COX10: variants seen among roughly 807,000 people sequenced by gnomAD.
COX10 encodes protoheme IX farnesyltransferase, mitochondrial.
COX10 carries 27 observed loss-of-function variants against 37.3 expected under a neutral mutation model. The ratio of observed to expected loss-of-function variants is 0.72; its 90% CI spans 0.53 to 1.00. COX10 has a LOEUF of 1.00. Among genes scored for constraint, COX10 ranks in the 50% least tolerant of loss-of-function variants. COX10 has a pLI of 0.00. For synonymous variants in COX10, 222 were observed against 229.1 expected (o/e 0.97, Z 0.28); for missense variants, 475 against 563.2 (o/e 0.84, Z 1.59).
chr17:14,150,809 C>A (rs1247460596), intron 4 of COX10, among the ~76,000 whole-genome samples: 1 of 152,202 alleles, frequency 6.6e-6, no homozygotes, highest in Non-Finnish European at 1.5e-5. Flanking sequence ...CAGTACAAGA[C>A]TGGTCCCTGA....
At chr17:14,131,489 G>GA in intron 4 of COX10, among the ~76,000 whole-genome samples, 1 of 151,732 alleles carries the variant, frequency 6.6e-6, no homozygotes, top group Non-Finnish European at 1.5e-5. Flanking sequence ...TATAAGAAAT[G>GA]AATTTTCTCT....
chr17:14,179,457 GT>G (rs1218640231), intron 5 of COX10, among the ~76,000 whole-genome samples: 36 of 152,212 alleles, frequency 2.4e-4, no homozygotes, highest in Admixed American at 2.0e-3. Flanking sequence ...TGTCAGTTTT[GT>G]TTTTATAATG....
intron 5 of COX10, among the ~76,000 whole-genome samples, chr17:14,186,552 A>G (rs1392293636): frequency 2.0e-5 from 3 of 151,872 alleles, no homozygotes; most frequent in Non-Finnish European, 4.4e-5. Context: ...GCTGTGCCAC[A>G]CATGCTTGCC....
intron 5 of COX10, among the ~76,000 whole-genome samples, chr17:14,184,117 G>T (rs1905952183): frequency 6.6e-6 from 1 of 152,120 alleles, no homozygotes; most frequent in South Asian, 2.1e-4. Flanking sequence ...TAAATAATTT[G>T]CTCACGATCA....
At chr17:14,122,505 T>C (rs9900727) in intron 4 of COX10, among the ~76,000 whole-genome samples, 76,287 of 151,958 alleles carry the variant, frequency 0.5, 19,323 homozygotes, top group Admixed American at 0.53. Context: ...AATACAATCA[T>C]ATATGATTCT....
At chr17:14,095,535 A>G (rs950593598) in intron 3 of COX10, among the ~76,000 whole-genome samples, 12 of 152,230 alleles carry the variant, frequency 7.9e-5, no homozygotes, top group African/African-American at 2.9e-4. Context: ...GTACATATTA[A>G]TTTTCTATTG....
intron 4 of COX10, among the ~76,000 whole-genome samples, chr17:14,107,239 A>G (rs565357089): frequency 9.1e-4 from 137 of 151,196 alleles, no homozygotes; most frequent in African/African-American, 3.0e-3. Flanking sequence ...TTTTTCTGAG[A>G]TCTTTGCCCA....
chr17:14,101,344 C>T (rs1304817023), intron 3 of COX10, among the ~76,000 whole-genome samples: 1 of 152,154 alleles, frequency 6.6e-6, no homozygotes, highest in African/African-American at 2.4e-5. Flanking sequence ...GAAAATCCAA[C>T]TTAAATGTCA....
chr17:14,124,498 AT>A (rs1276674664), intron 4 of COX10, among the ~76,000 whole-genome samples: 16 of 152,142 alleles, frequency 1.1e-4, no homozygotes, highest in Non-Finnish European at 2.4e-4. Context: ...GAGTTTGGGA[AT>A]GCTGTTCCAG....
rs750022905 is a variant in COX10 at position 14,069,695 on chromosome 17, A to T, written c.43+47A>T. 1.9e-6 allele frequency: 3 copies of T among 1,612,028 alleles called. No homozygotes were observed. In the East Asian group the frequency reaches 6.7e-5, roughly 36 times the overall value. ...CGACCTTGGGGGAAATTCTTCTCTT[A>T]TTACCACGTGCGAGGCCGTGGTTCC... On this transcript the variant is annotated intron_variant, in intron 1 of 6. Coordinates refer to ENST00000261643, the MANE Select transcript of COX10 (RefSeq NM_001303.4).
intron 2 of COX10, among the ~76,000 whole-genome samples, chr17:14,076,245 G>A (rs906572397): frequency 6.6e-6 from 1 of 151,408 alleles, no homozygotes; most frequent in African/African-American, 2.4e-5. Flanking sequence ...GGGACTGTGG[G>A]CGTATGCCAC....
chr17:14,145,574 A>G (rs1162649106), intron 4 of COX10, among the ~76,000 whole-genome samples: 2 of 152,140 alleles, frequency 1.3e-5, no homozygotes, highest in African/African-American at 2.4e-5. Context: ...AAGAAAGAAA[A>G]GAGCCTAGAG....
intron 4 of COX10, among the ~76,000 whole-genome samples, chr17:14,124,752 A>G (rs561094598): frequency 1.3e-5 from 2 of 152,114 alleles, no homozygotes; most frequent in African/African-American, 4.8e-5. Flanking sequence ...TCATTTCTTT[A>G]TCTATCATAA....
At chr17:14,161,715 A>G (rs560953485) in intron 5 of COX10, among the ~76,000 whole-genome samples, 3 of 152,334 alleles carry the variant, frequency 2.0e-5, no homozygotes, top group African/African-American at 7.2e-5. Context: ...TGCCTTAGAC[A>G]TCAGAACGCC....
chr17:14,171,983 G>A (rs1414113072), intron 5 of COX10, among the ~76,000 whole-genome samples: 1 of 152,054 alleles, frequency 6.6e-6, no homozygotes, highest in African/African-American at 2.4e-5. Context: ...TCAACCCCCT[G>A]ATTTACCCTG....
At chr17:14,099,109 G>A (rs959646941) in intron 3 of COX10, among the ~76,000 whole-genome samples, 4 of 151,960 alleles carry the variant, frequency 2.6e-5, no homozygotes, top group Non-Finnish European at 5.9e-5. Flanking sequence ...ATCTTTATCC[G>A]AACCTGCACC....
chr17:14,199,061 T>C (rs1906450565), intron 6 of COX10, among the ~76,000 whole-genome samples: 1 of 151,900 alleles, frequency 6.6e-6, no homozygotes, highest in African/African-American at 2.4e-5. Context: ...CTATATTCTC[T>C]TGAAAGACCA....
intron 5 of COX10, among the ~76,000 whole-genome samples, chr17:14,191,349 C>T (rs1193322946): frequency 1.3e-5 from 2 of 148,206 alleles, no homozygotes; most frequent in South Asian, 2.3e-4. Flanking sequence ...ACTGGTACTA[C>T]ACAACAGCCA....
chr17:14,117,691 A>C (rs1916144291), intron 4 of COX10, among the ~76,000 whole-genome samples: 1 of 152,104 alleles, frequency 6.6e-6, no homozygotes, highest in Admixed American at 6.6e-5. Context: ...CAGCATCTAG[A>C]GGTGAGTGTT....
Sources: gnomAD v4.1 joint callset for allele counts (sites outside exome capture counted in the v4.1 genomes callset) on GRCh38, gnomAD v4.1.1 for gene constraint, MANE v1.5 for transcripts, NCBI Gene and HGNC (gene_info 2026-07-23, HGNC 2026-07-21) for gene names.